The following BTBD16 variants were observed in gnomAD, a reference collection of about 807,000 sequenced individuals.
BTBD16 encodes the protein BTB domain containing 16.
A neutral mutation model predicts 67.4 loss-of-function variants in BTBD16; 66 were observed. The ratio of observed to expected loss-of-function variants is 0.98; its 90% CI spans 0.80 to 1.20. The LOEUF is 1.20. Among genes scored for constraint, BTBD16 ranks in the 50% most tolerant of loss-of-function variants. The pLI is 0.00. For missense variants in BTBD16, 634 were observed against 616.0 expected (o/e 1.03, Z -0.31); for synonymous variants, 242 against 236.4 (o/e 1.02, Z -0.22).
chr10:122,300,852 G>T (rs569670236), intron 9 of BTBD16, among the ~76,000 whole-genome samples: 1 of 152,126 alleles, frequency 6.6e-6, no homozygotes, highest in East Asian at 1.9e-4. Context: ...AGAAAATGAG[G>T]GTTTACTCAT....
At chr10:122,308,014 A>G (rs1349287893) in intron 10 of BTBD16, among the ~76,000 whole-genome samples, 1 of 152,210 alleles carries the variant, frequency 6.6e-6, no homozygotes, top group Non-Finnish European at 1.5e-5. Context: ...TTTAGTTTCC[A>G]TATAATTTGC....
chr10:122,300,169 A>T (rs1185216347), intron 9 of BTBD16, among the ~76,000 whole-genome samples: 1 of 152,186 alleles, frequency 6.6e-6, no homozygotes, highest in Non-Finnish European at 1.5e-5. Flanking sequence ...TTCCCACATT[A>T]AATTCCTAGA....
At chr10:122,301,466 C>A (rs1186410258) in intron 9 of BTBD16, among the ~76,000 whole-genome samples, 1 of 152,152 alleles carries the variant, frequency 6.6e-6, no homozygotes, top group African/African-American at 2.4e-5. Context: ...AGGGCTATCA[C>A]TGAAGGGAAA....
At chr10:122,325,001 C>T (rs1425936678) in intron 10 of BTBD16, among the ~76,000 whole-genome samples, 1 of 152,208 alleles carries the variant, frequency 6.6e-6, no homozygotes, top group African/African-American at 2.4e-5. Flanking sequence ...TCTTGACAGA[C>T]AGAAGGACAT....
At chr10:122,317,457 C>T (rs912331938) in intron 10 of BTBD16, among the ~76,000 whole-genome samples, 1 of 152,012 alleles carries the variant, frequency 6.6e-6, no homozygotes, top group Non-Finnish European at 1.5e-5. Context: ...ACCATCCTGG[C>T]TAACACGGTG....
intron 11 of BTBD16, 60 bp downstream of exon 11, chr10:122,329,631 C>T: frequency 1.4e-6 from 2 of 1,425,390 alleles, no homozygotes; most frequent in East Asian, 4.6e-5. Context: ...TGCCCACCCC[C>T]CAGCCACTGC....
intron 1 of BTBD16, among the ~76,000 whole-genome samples, chr10:122,271,743 G>A (rs540158481): frequency 5.9e-5 from 9 of 152,138 alleles, no homozygotes; most frequent in African/African-American, 1.4e-4. Context: ...AACACACGAA[G>A]GGGCAGATTG....
At chr10:122,332,645 G>T in intron 13 of BTBD16, 132 bp downstream of exon 13, 1 of 1,059,824 alleles carries the variant, frequency 9.4e-7, no homozygotes, top group Non-Finnish European at 1.3e-6. Flanking sequence ...AGAACCACAG[G>T]TGTCTCTCCT....
At chr10:122,318,429 T>C (rs942523069) in intron 10 of BTBD16, among the ~76,000 whole-genome samples, 7 of 152,216 alleles carry the variant, frequency 4.6e-5, no homozygotes, top group African/African-American at 1.7e-4. Flanking sequence ...TTTATAAAGT[T>C]ACTATAAATA....
chr10:122,323,343 A>G (rs186425750), intron 10 of BTBD16, among the ~76,000 whole-genome samples: 207 of 152,320 alleles, frequency 1.4e-3, no homozygotes, highest in African/African-American at 4.8e-3. Context: ...TGTGTGTGCT[A>G]CATTTCAAGT....
intron 13 of BTBD16, among the ~76,000 whole-genome samples, chr10:122,334,526 A>G (rs1295285576): frequency 4.8e-5 from 2 of 42,040 alleles, no homozygotes; most frequent in Non-Finnish European, 7.8e-5. Flanking sequence ...TTTTTTTTTG[A>G]GATAGAGTCT....
intron 10 of BTBD16, among the ~76,000 whole-genome samples, chr10:122,323,976 A>G (rs2096439872): frequency 6.6e-6 from 1 of 152,192 alleles, no homozygotes; most frequent in South Asian, 2.1e-4. Context: ...TCAGACACTG[A>G]AGGGTAGATT....
chr10:122,307,189 G>T lies in BTBD16; in HGVS notation c.792G>T (p.Arg264Ser). 1 of 1,592,664 alleles carries T rather than the reference G, an allele frequency of 6.3e-7. No homozygotes were observed. ...DLLHKVLKSP[R>S]LFTFSEFHLL... is the part of the protein sequence containing the mutation. ...TTCTCAATCTTTTTATTTTGGCCAG[G>T]TTATTTACCTTTAGTGAATTCCATC... Residue 264 changes from arginine to serine, a missense_variant and splice_region_variant, in exon 10 of 16, where the codon AGG becomes AGT. By Grantham distance (110) the Arg-to-Ser change is moderately radical (BLOSUM62 -1). Coordinates refer to ENST00000260723, the MANE Select transcript of BTBD16 (RefSeq NM_144587.5).
intron 3 of BTBD16, among the ~76,000 whole-genome samples, chr10:122,280,581 A>G (rs200213645): frequency 2.4e-5 from 2 of 81,686 alleles, no homozygotes; most frequent in Non-Finnish European, 4.7e-5. Flanking sequence ...ATATTATATT[A>G]TATTGTATTA....
At chr10:122,287,765 C>T (rs937947370) in intron 5 of BTBD16, among the ~76,000 whole-genome samples, 1 of 152,208 alleles carries the variant, frequency 6.6e-6, no homozygotes, top group African/African-American at 2.4e-5. Context: ...GATGCACAGG[C>T]TCTCCAGCTG....
chr10:122,325,495 A>T lies in BTBD16; in HGVS notation c.912-3985A>T, dbSNP rs1590092526. ...TAACAACACACACTCACCAGGACTG[A>T]TGGGTAGGTCAGCCCTGACTCAAAG... On this transcript the variant is annotated intron_variant, in intron 10 of 15. Coordinates refer to ENST00000260723, the MANE Select transcript of BTBD16 (RefSeq NM_144587.5). Among the ~76,000 whole-genome samples, 3 of 152,060 alleles carry T rather than the reference A, an allele frequency of 2.0e-5. No individual in the cohort carries two copies. The East Asian group carries it at 5.8e-4, about 29-fold the overall frequency.
intron 10 of BTBD16, among the ~76,000 whole-genome samples, chr10:122,320,000 G>T (rs1407351717): frequency 6.6e-6 from 1 of 151,926 alleles, no homozygotes; most frequent in Non-Finnish European, 1.5e-5. Flanking sequence ...ATTTCTGATT[G>T]TTCTTTGCTA....
chr10:122,310,265 A>G (rs1169564698), intron 10 of BTBD16, among the ~76,000 whole-genome samples: 2 of 152,234 alleles, frequency 1.3e-5, no homozygotes, highest in African/African-American at 4.8e-5. Flanking sequence ...TCTGAGAAGA[A>G]GAATGTCGCA....
At chr10:122,278,990 A>G (rs1385572197) in intron 3 of BTBD16, among the ~76,000 whole-genome samples, 1 of 152,164 alleles carries the variant, frequency 6.6e-6, no homozygotes, top group Non-Finnish European at 1.5e-5. Flanking sequence ...CCACCATTTC[A>G]CATTCACTAG....
Sources: gnomAD v4.1 joint callset for allele counts (sites outside exome capture counted in the v4.1 genomes callset) on GRCh38, gnomAD v4.1.1 for gene constraint, MANE v1.5 for transcripts, NCBI Gene and HGNC (gene_info 2026-07-23, HGNC 2026-07-21) for gene names.